Variants in FSCN1 observed in about 807,000 individuals in gnomAD.
The protein encoded by FSCN1 is fascin.
A neutral mutation model predicts 39.7 loss-of-function variants in FSCN1; 10 were observed. That is an observed-to-expected ratio of 0.25 (90% confidence interval 0.16 to 0.43). The LOEUF is 0.43. Among genes scored for constraint, FSCN1 ranks in the 20% least tolerant of loss-of-function variants. FSCN1 has a pLI of 1.00. For missense variants in FSCN1, 525 were observed against 723.8 expected (o/e 0.73, Z 3.15); for synonymous variants, 322 against 320.0 (o/e 1.01, Z -0.07).
Position 5,605,681 on chromosome 7 carries a change from G to A in FSCN1, c.*207G>A. ...CGCCCGGGTTCCCTACTCCCCTCGGGTCAGCGGCTGCGGCCTGGCCCTGGG... is the reference window on the plus strand; with the variant it reads ...CGCCCGGGTTCCCTACTCCCCTCGGATCAGCGGCTGCGGCCTGGCCCTGGG... On this transcript the variant is annotated 3_prime_UTR_variant, in exon 5 of 5. Transcript: ENST00000382361. This position sits in a 1 kb window ranked among gnomAD's most constrained non-coding sequence, Gnocchi z 6.9. 1.8e-6 allele frequency: 1 copy of A among 559,054 alleles called. No individual in the cohort carries two copies. Among genetic ancestry groups the A allele is most frequent in the Non-Finnish European group, 3.2e-6 (1 of 315,548 alleles). The allele number at this position is 559,054 out of a possible 1,614,324, so 34.6% of individuals were successfully genotyped here. A position where few individuals can be genotyped will look rare whatever the true frequency, so the allele number is the denominator to read the frequency against.
At chr7:5,597,851 G>A (rs1785758941) in intron 1 of FSCN1, among the ~76,000 whole-genome samples, 2 of 152,166 alleles carry the variant, frequency 1.3e-5, no homozygotes, top group South Asian at 4.2e-4. Context: ...GGAGGGAGAG[G>A]TACCCGTGGG....
chr7:5,598,721 G>A (rs551048413), intron 1 of FSCN1, among the ~76,000 whole-genome samples: 1 of 152,306 alleles, frequency 6.6e-6, no homozygotes, highest in Admixed American at 6.5e-5. Context: ...TGCTGCTGGG[G>A]TGGACCTAGA....
chr7:5,603,604 G>A lies in FSCN1; in HGVS notation c.1098G>A (p.Ser366=), dbSNP rs563571642. ...AGAAGAATGGGCAGCTGGCCGCCTC[G>A]GTGGAGACAGCAGGTAACACTAAAG... ...TSKKNGQLAA[S]VETAGDSELF... The change falls in exon 3 of 5, where the codon TCG becomes TCA. Residue 366 remains serine, a synonymous_variant. Transcript: ENST00000382361. This position sits in a 1 kb window ranked among gnomAD's most constrained non-coding sequence, Gnocchi z 8.5. 45 of 1,613,962 alleles carry A rather than the reference G, an allele frequency of 2.8e-5. No individual in the cohort carries two copies. Among genetic ancestry groups the A allele is most frequent in the South Asian group, 6.6e-5 (6 of 91,086 alleles).
At chr7:5,593,862 C>T (rs1242124812) in intron 1 of FSCN1, 94 bp downstream of exon 1, 3 of 900,360 alleles carry the variant, frequency 3.3e-6, no homozygotes, top group South Asian at 3.4e-5. Context: ...TCGCTCGCGG[C>T]GCCGCTGCGG....
rs767100442 is a variant in FSCN1, at chr7:5,593,500, G to A, written c.564G>A (p.Val188=). 1.2e-6 allele frequency: 2 copies of A among 1,608,500 alleles called. No homozygotes were observed. The highest frequency in any genetic ancestry group is 2.2e-5 in the East Asian group (1 of 44,770). Residue 188 remains valine, a synonymous_variant, in exon 1 of 5, where the codon GTG becomes GTA. Transcript: ENST00000382361. ...CCTTCCAGGACCAGCGCTACAGCGT[G>A]CAGACCGCCGACCACCGCTTCCTGC... ...TLAFQDQRYS[V]QTADHRFLRH... is the part of the protein sequence containing the mutation.
chr7:5,604,084 G>A, intron 4 of FSCN1, 54 bp downstream of exon 4: 1 of 1,558,370 alleles, frequency 6.4e-7, no homozygotes, highest in Non-Finnish European at 8.8e-7. Context: ...TCGGGGCTGG[G>A]GTCAGTGCTG....
Position 5,605,049 on chromosome 7 carries a change from AG to A in FSCN1, c.1280-221del, listed in dbSNP as rs1163392224. Among the ~76,000 whole-genome samples, 1 of 152,234 alleles carries A rather than the reference AG, an allele frequency of 6.6e-6. No individual in the cohort carries two copies. The highest frequency in any genetic ancestry group is 1.5e-5 in the Non-Finnish European group (1 of 68,046). On this transcript the variant is annotated intron_variant, in intron 4 of 4. Coordinates refer to ENST00000382361, the MANE Select transcript of FSCN1 (RefSeq NM_003088.4). The surrounding 1 kb of genome is among the most constrained non-coding windows in gnomAD (Gnocchi z 6.9). Reference sequence around the variant, plus strand: ...CAGCCTCCCAAAGTGCTGGGATTACAGGCGTGAGCCACTGCGGCCGAGCAGA... The same window carrying A: ...CAGCCTCCCAAAGTGCTGGGATTACAGCGTGAGCCACTGCGGCCGAGCAGA...
intron 1 of FSCN1, among the ~76,000 whole-genome samples, chr7:5,596,720 G>C (rs779450375): frequency 1.9e-4 from 29 of 152,230 alleles, no homozygotes; most frequent in Non-Finnish European, 4.0e-4. Flanking sequence ...ACTCTGAGGA[G>C]GGCTGACTGA....
Position 5,595,957 on chromosome 7 carries a change from G to A in FSCN1, c.832+2189G>A, listed in dbSNP as rs1229028385. Among the ~76,000 whole-genome samples the A allele has an allele frequency of 2.8e-4, 42 of 152,040 alleles. 1 individual carries two copies. The highest frequency in any genetic ancestry group is 2.9e-5 in the Non-Finnish European group (2 of 68,016). Reference sequence around the variant, plus strand: ...TGTGATTCAGGCTGATAGGGTGGGAGGAACCAGAAATTGCAGCCAGGAGAG... The same window carrying A: ...TGTGATTCAGGCTGATAGGGTGGGAAGAACCAGAAATTGCAGCCAGGAGAG... On this transcript the variant is annotated intron_variant, in intron 1 of 4. Coordinates refer to ENST00000382361, the MANE Select transcript of FSCN1 (RefSeq NM_003088.4).
Position 5,593,784 on chromosome 7 carries a change from G to A in FSCN1, c.832+16G>A. The A allele has an allele frequency of 6.7e-7, 1 of 1,483,672 alleles. No homozygotes were observed. Among genetic ancestry groups the A allele is most frequent in the Non-Finnish European group, 9.1e-7 (1 of 1,100,428 alleles). 91.9% of individuals were successfully genotyped at this position (1,483,672 alleles called of 1,614,324 possible). On this transcript the variant is annotated intron_variant, in intron 1 of 4. Coordinates refer to ENST00000382361, the MANE Select transcript of FSCN1 (RefSeq NM_003088.4). Reference sequence around the variant, plus strand: ...ACGCGCCAGGGTGAGTGGGGACGCTGCCCCCGCCTCTCCTGGTCCGTGCAC... The same window carrying A: ...ACGCGCCAGGGTGAGTGGGGACGCTACCCCCGCCTCTCCTGGTCCGTGCAC...
intron 1 of FSCN1, among the ~76,000 whole-genome samples, chr7:5,596,498 C>T (rs1785732843): frequency 1.3e-5 from 2 of 152,228 alleles, no homozygotes; most frequent in African/African-American, 4.8e-5. Flanking sequence ...GCTCCTTTGT[C>T]CTCCCGCCAT....
chr7:5,594,472 C>G (rs977811092), intron 1 of FSCN1: 24 of 152,450 alleles, frequency 1.6e-4, no homozygotes, highest in Non-Finnish European at 2.8e-4. Flanking sequence ...TCGACTGGGT[C>G]CTCCCTCGCC....
At chr7:5,597,231 T>G (rs1301339411) in intron 1 of FSCN1, among the ~76,000 whole-genome samples, 2 of 152,166 alleles carry the variant, frequency 1.3e-5, no homozygotes, top group Non-Finnish European at 2.9e-5. Context: ...TAGCCAGGCA[T>G]GGTGATGCAC....
At chr7:5,594,854 A>T (rs1272318336) in intron 1 of FSCN1, 2 of 152,266 alleles carry the variant, frequency 1.3e-5, no homozygotes, top group Non-Finnish European at 2.9e-5. Context: ...CGCCGGGAAC[A>T]ATTGACTGCA....
intron 4 of FSCN1, among the ~76,000 whole-genome samples, chr7:5,604,797 G>A (rs1230320739): frequency 6.6e-6 from 1 of 152,106 alleles, no homozygotes; most frequent in Non-Finnish European, 1.5e-5. Context: ...CACCATGCCT[G>A]GCTAATTTTT....
Position 5,603,283 on chromosome 7 carries a change from G to A in FSCN1, c.859G>A (p.Glu287Lys), listed in dbSNP as rs1212305702. Residue 287 changes from glutamate to lysine, a missense_variant, in exon 2 of 5, where the codon GAG becomes AAG. Physicochemically the swap from Glu to Lys is moderately conservative, Grantham distance 56. Coordinates refer to ENST00000382361, the MANE Select transcript of FSCN1 (RefSeq NM_003088.4). The surrounding 1 kb of genome is among the most constrained non-coding windows in gnomAD (Gnocchi z 8.5). ...QGMDLSANQD[E>K]ETDQETFQLE... is the part of the protein sequence containing the mutation. ...TATGGACCTGTCTGCCAATCAGGAC[G>A]AGGAGACCGACCAGGAGACCTTCCA... is the stretch of plus-strand genomic sequence containing the variant. 8 of 1,612,568 alleles carry A rather than the reference G, an allele frequency of 5.0e-6. No homozygotes were observed. The highest frequency in any genetic ancestry group is 5.1e-6 in the Non-Finnish European group (6 of 1,179,996).
intron 1 of FSCN1, 184 bp downstream of exon 1, chr7:5,593,952 A>G (rs1423750059): frequency 1.8e-6 from 1 of 560,350 alleles, no homozygotes; most frequent in Non-Finnish European, 3.1e-6. Flanking sequence ...GGCTTTGCCC[A>G]TCCTCGGGTG....
intron 4 of FSCN1, among the ~76,000 whole-genome samples, 180 bp downstream of exon 4, chr7:5,604,210 T>C (rs73334477): frequency 0.039 from 5,940 of 152,022 alleles, 377 homozygotes; most frequent in African/African-American, 0.14. Context: ...GCAGCCCCTT[T>C]CCCTCTTGTC....
At position 5,599,962 on chromosome 7, in the gene FSCN1, C is replaced by T. The variant is rs1335837248; in HGVS notation, c.833-3295C>T. Among the ~76,000 whole-genome samples, 2 of 152,278 alleles carry T rather than the reference C, an allele frequency of 1.3e-5. No homozygotes were observed. Among genetic ancestry groups the T allele is most frequent in the Middle Eastern group, 3.4e-3 (1 of 294 alleles). The stretch of plus-strand genomic sequence containing the variant: ...ACACTCTCCAGCTCTGAGCCAGGCA[C>T]CCATACAGAGCCCGGCAGACGCCTC... On this transcript the variant is annotated intron_variant, in intron 1 of 4. Coordinates refer to ENST00000382361, the MANE Select transcript of FSCN1 (RefSeq NM_003088.4). This position sits in a 1 kb window ranked among gnomAD's most constrained non-coding sequence, Gnocchi z 5.6.
Sources: gnomAD v4.1 joint callset for allele counts (sites outside exome capture counted in the v4.1 genomes callset) on GRCh38, gnomAD v4.1.1 for gene constraint, Gnocchi (gnomAD v3.1) non-coding constraint, MANE v1.5 for transcripts, NCBI Gene and HGNC (gene_info 2026-07-23, HGNC 2026-07-21) for gene names.